The following TRRAP variants were observed in gnomAD, a reference collection of about 807,000 sequenced individuals.
The protein encoded by TRRAP is transformation/transcription domain associated protein.
In TRRAP, 41 loss-of-function variants were observed where a neutral mutation model predicts 438.8. The ratio of observed to expected loss-of-function variants is 0.09; its 90% CI spans 0.07 to 0.12. The LOEUF (loss-of-function observed/expected upper bound fraction) is 0.12, where lower values mean the gene tolerates loss of function less well. Among genes scored for constraint, TRRAP ranks in the 10% least tolerant of loss-of-function variants. The probability of loss-of-function intolerance (pLI) is 1.00; values close to 1 mark genes in which losing one functional copy is unlikely to be tolerated. For synonymous variants in TRRAP, 1,994 were observed against 1,962.9 expected (o/e 1.02, Z -0.42); for missense variants, 3,122 against 5,055.1 (o/e 0.62, Z 11.60).
At chr7:98,904,335 T>A (rs907169195) in intron 12 of TRRAP, among the ~76,000 whole-genome samples, 2 of 151,624 alleles carry the variant, frequency 1.3e-5, no homozygotes, top group Non-Finnish European at 2.9e-5. Flanking sequence ...TACAAAAAAT[T>A]AGCCAGGCGT....
chr7:98,995,049 G>A (rs902194187), intron 67 of TRRAP, among the ~76,000 whole-genome samples: 14 of 152,234 alleles, frequency 9.2e-5, no homozygotes, highest in Non-Finnish European at 1.8e-4. Context: ...AAGGTTTGGA[G>A]CAGGAGCTGC....
intron 16 of TRRAP, among the ~76,000 whole-genome samples, chr7:98,910,847 CT>C (rs377370999): frequency 6.0e-5 from 9 of 150,560 alleles, no homozygotes; most frequent in African/African-American, 2.0e-4. Context: ...AAATATAAGA[CT>C]TAAGTTTAAT....
At chr7:98,910,488 T>C (rs782231559) in intron 15 of TRRAP, 22 bp from the exon 16 acceptor site, 1 of 1,613,936 alleles carries the variant, frequency 6.2e-7, no homozygotes, top group South Asian at 1.1e-5. Flanking sequence ...CAAGTTAACT[T>C]AATATACTTT....
chr7:98,950,740 C>A, intron 38 of TRRAP, 136 bp from the exon 39 acceptor site: 2 of 1,047,838 alleles, frequency 1.9e-6, no homozygotes, highest in African/African-American at 1.6e-5. Flanking sequence ...GCATAGGAGT[C>A]AAGGTTGGTA....
At chr7:98,894,608 CTCTTTTCTTTT>C (rs1488934459) in intron 6 of TRRAP, among the ~76,000 whole-genome samples, 2 of 126,924 alleles carry the variant, frequency 1.6e-5, no homozygotes, top group Non-Finnish European at 3.5e-5. Context: ...CCTTTCCTTT[CTCTTTTCTTTT>C]GTTGTTTTTT....
Position 98,989,062 on chromosome 7 carries a change from G to A in TRRAP, c.9591+96G>A. ...TAGTTTACTCATCCGTGCCGGGTGT[G>A]AGGCATGATTTCATGCCTTAACTCT... On this transcript the variant is annotated intron_variant, in intron 63 of 72. Coordinates refer to ENST00000456197, the MANE Select transcript of TRRAP (RefSeq NM_001375524.1). The A allele has an allele frequency of 8.5e-6, 11 of 1,288,176 alleles. No homozygotes were observed. The South Asian group carries it at 1.3e-4, about 16-fold the overall frequency. The allele number at this position is 1,288,176 out of a possible 1,614,324, so 79.8% of individuals were successfully genotyped here.
intron 3 of TRRAP, among the ~76,000 whole-genome samples, chr7:98,887,431 G>C (rs782343335): frequency 6.6e-6 from 1 of 152,120 alleles, no homozygotes; most frequent in Non-Finnish European, 1.5e-5. Flanking sequence ...GCCAAACACA[G>C]TTCTTCTGCC....
chr7:98,972,135 T>C (rs1388083019), intron 53 of TRRAP, among the ~76,000 whole-genome samples, 190 bp downstream of exon 53: 2 of 152,210 alleles, frequency 1.3e-5, no homozygotes, highest in African/African-American at 2.4e-5. Context: ...CTCAGTCTCC[T>C]GGGCCAAGCG....
intron 9 of TRRAP, 27 bp from the exon 10 acceptor site, chr7:98,899,652 A>C (rs1562931439): frequency 6.2e-7 from 1 of 1,613,458 alleles, no homozygotes; most frequent in Non-Finnish European, 8.5e-7. Context: ...GTGTCAATGT[A>C]TGAAAATCTG....
At position 99,011,266 on chromosome 7, in the gene TRRAP, T is replaced by C. The variant is rs1794412244; in HGVS notation, c.11142+11T>C. ...TTACAGATCGCTCAGGTAACCTGCT[T>C]TGAACAGCCAGATCCTCTCCTCGTG... On this transcript the variant is annotated intron_variant, in intron 71 of 72. Transcript: ENST00000456197. The surrounding 1 kb of genome is among the most constrained non-coding windows in gnomAD (Gnocchi z 7.1). The C allele has an allele frequency of 6.2e-7, 1 of 1,613,914 alleles. No homozygotes were observed. Among genetic ancestry groups the C allele is most frequent in the Non-Finnish European group, 8.5e-7 (1 of 1,179,856 alleles).
chr7:98,949,719 G>T lies in TRRAP; in HGVS notation c.5013G>T (p.Val1671=). ...GGCTGGCCAGCCAGCACTCTCTGGT[G>T]AGCCAGTTGCGACGTGTGTGGGTGA... ...DSWLASQHSL[V]SQLRRVWVSE... Residue 1671 remains valine, a synonymous_variant, in exon 37 of 73, where the codon GTG becomes GTT. Transcript: ENST00000456197. 1 of 1,614,070 alleles carries T rather than the reference G, an allele frequency of 6.2e-7. No homozygotes were observed. Among genetic ancestry groups the T allele is most frequent in the South Asian group, 1.1e-5 (1 of 91,084 alleles).
At chr7:99,003,360 G>C (rs1197976174) in intron 67 of TRRAP, among the ~76,000 whole-genome samples, 1 of 152,186 alleles carries the variant, frequency 6.6e-6, no homozygotes, top group East Asian at 1.9e-4. Flanking sequence ...GCTCATTTAG[G>C]ATCTATCTCC....
chr7:98,988,340 G>T (rs1793243161), intron 62 of TRRAP, among the ~76,000 whole-genome samples: 1 of 152,194 alleles, frequency 6.6e-6, no homozygotes, highest in South Asian at 2.1e-4. Flanking sequence ...AGGACTATTT[G>T]CAATAATCAA....
chr7:98,891,493 G>A (rs1217207830), intron 4 of TRRAP, among the ~76,000 whole-genome samples: 4 of 149,164 alleles, frequency 2.7e-5, no homozygotes, highest in Non-Finnish European at 5.9e-5. Context: ...GAGCCACTGC[G>A]CCCGGCCTAC....
chr7:98,933,327 G>T lies in TRRAP; in HGVS notation c.3939G>T (p.Thr1313=). Residue 1313 remains threonine, a synonymous_variant, in exon 27 of 73, where the codon ACG becomes ACT. Transcript: ENST00000456197. ...NAQIGLMEGN[T]FCTTLQPRLF... ...AGATTGGCCTGATGGAGGGGAACACGTTCTGTACCACGTTGCAGCCCAGGC... is the reference window on the plus strand; with the variant it reads ...AGATTGGCCTGATGGAGGGGAACACTTTCTGTACCACGTTGCAGCCCAGGC... 1 of 1,614,178 alleles carries T rather than the reference G, an allele frequency of 6.2e-7. No homozygotes were observed. The highest frequency in any genetic ancestry group is 8.5e-7 in the Non-Finnish European group (1 of 1,180,038).
At position 98,916,662 on chromosome 7, in the gene TRRAP, C is replaced by T. The variant is rs559646952; in HGVS notation, c.2366-761C>T. 3.3e-5 allele frequency among the ~76,000 whole-genome samples: 5 copies of T among 152,284 alleles called. 1 individual carries two copies. The South Asian group carries it at 1.0e-3, about 32-fold the overall frequency. The stretch of plus-strand genomic sequence containing the variant: ...GATTTAACCCTGTCTCTAGTTAATC[C>T]CTGCTGGAGCCCCTGTTCACACAGT... On this transcript the variant is annotated intron_variant, in intron 19 of 72. Coordinates refer to ENST00000456197, the MANE Select transcript of TRRAP (RefSeq NM_001375524.1).
intron 62 of TRRAP, among the ~76,000 whole-genome samples, chr7:98,987,529 G>T (rs219818): frequency 0.15 from 22,746 of 152,172 alleles, 5,344 homozygotes; most frequent in African/African-American, 0.5. Flanking sequence ...CCAGGGTTTT[G>T]TATATTGATC....
rs1792119776 is a variant in TRRAP at position 98,965,625 on chromosome 7, A to G, written c.6977-71A>G. 3 of 1,601,772 alleles carry G rather than the reference A, an allele frequency of 1.9e-6. No individual in the cohort carries two copies. The Admixed American group carries it at 5.0e-5, about 27-fold the overall frequency. On this transcript the variant is annotated intron_variant, in intron 48 of 72. Transcript: ENST00000456197. Reference sequence around the variant, plus strand: ...ATGGGCAGAACCCAGCATGCCAGGCAAGGCTTAGTGGCTGCCTGTTTAAAT... The same window carrying G: ...ATGGGCAGAACCCAGCATGCCAGGCGAGGCTTAGTGGCTGCCTGTTTAAAT...
intron 31 of TRRAP, among the ~76,000 whole-genome samples, chr7:98,944,822 T>C (rs938502592): frequency 5.3e-5 from 8 of 152,164 alleles, no homozygotes; most frequent in Non-Finnish European, 8.8e-5. Flanking sequence ...TTTTTTTTTT[T>C]CTTTGAGACG....
Sources: gnomAD v4.1 joint callset for allele counts (sites outside exome capture counted in the v4.1 genomes callset) on GRCh38, gnomAD v4.1.1 for gene constraint, Gnocchi (gnomAD v3.1) non-coding constraint, MANE v1.5 for transcripts, NCBI Gene and HGNC (gene_info 2026-07-23, HGNC 2026-07-21) for gene names.